The following ENOX1 variants were observed in gnomAD, a reference collection of about 807,000 sequenced individuals.
The protein encoded by ENOX1 is ecto-NOX disulfide-thiol exchanger 1, also known as candidate growth-related and time keeping constitutive hydroquinone (NADH) oxidase.
ENOX1 carries 42 observed loss-of-function variants against 82.5 expected under a neutral mutation model. The ratio of observed to expected loss-of-function variants is 0.51; its 90% CI spans 0.40 to 0.66. ENOX1 has a LOEUF of 0.66. Ranked by LOEUF, ENOX1 falls within the 30% of genes least tolerant of loss-of-function variation. The probability of loss-of-function intolerance (pLI) is 0.00; values close to 1 mark genes in which losing one functional copy is unlikely to be tolerated. For missense variants in ENOX1, 608 were observed against 811.6 expected, an observed-to-expected ratio of 0.75 and a Z score of 3.05; for synonymous variants, 271 against 282.2, an observed-to-expected ratio of 0.96 and a Z score of 0.40.
intron 11 of ENOX1, among the ~76,000 whole-genome samples, chr13:43,311,385 G>A (rs2047195127): frequency 6.6e-6 from 1 of 150,518 alleles, no homozygotes; most frequent in Non-Finnish European, 1.5e-5. Flanking sequence ...TCTTCAAAAT[G>A]AAAAAAATAT....
At chr13:43,672,353 T>A (rs1234398329) in intron 1 of ENOX1, among the ~76,000 whole-genome samples, 1 of 152,226 alleles carries the variant, frequency 6.6e-6, no homozygotes, top group Non-Finnish European at 1.5e-5. Flanking sequence ...CTCTCCTACT[T>A]TATTACCGTT....
chr13:43,492,686 A>G (rs187502686), intron 2 of ENOX1, among the ~76,000 whole-genome samples: 3 of 152,328 alleles, frequency 2.0e-5, no homozygotes, highest in Admixed American at 1.3e-4. Flanking sequence ...TACTTGCCTC[A>G]TTCTGTCATT....
At chr13:43,428,432 T>C (rs2055455976) in intron 3 of ENOX1, among the ~76,000 whole-genome samples, 1 of 152,176 alleles carries the variant, frequency 6.6e-6, no homozygotes, top group African/African-American at 2.4e-5. Context: ...TCCAGGTCCA[T>C]TCTCCCCATG....
intron 1 of ENOX1, among the ~76,000 whole-genome samples, chr13:43,717,322 G>C (rs1171367156): frequency 6.6e-6 from 1 of 152,162 alleles, no homozygotes; most frequent in Non-Finnish European, 1.5e-5. Flanking sequence ...ATGGTGCTGG[G>C]ATAACTGGCT....
chr13:43,248,557 T>G (rs535794845), intron 14 of ENOX1, among the ~76,000 whole-genome samples: 1 of 152,072 alleles, frequency 6.6e-6, no homozygotes, highest in African/African-American at 2.4e-5. Context: ...TAACTTTTAA[T>G]TTTTTTGGAG....
chr13:43,678,731 A>C (rs1484805649), intron 1 of ENOX1, among the ~76,000 whole-genome samples: 1 of 152,050 alleles, frequency 6.6e-6, no homozygotes, highest in African/African-American at 2.4e-5. Flanking sequence ...GTGAGGCTAA[A>C]GTGAAGTCAC....
At chr13:43,601,726 A>G (rs2081731398) in intron 2 of ENOX1, among the ~76,000 whole-genome samples, 1 of 152,164 alleles carries the variant, frequency 6.6e-6, no homozygotes, top group African/African-American at 2.4e-5. Flanking sequence ...AGCAGATGTA[A>G]CCAAGATAAG....
rs547982488 is a variant in ENOX1 at position 43,434,646 on chromosome 13, T to C, written c.-74-21658A>G. Among the ~76,000 whole-genome samples the C allele has an allele frequency of 2.0e-5, 3 of 152,362 alleles. No individual in the cohort carries two copies. In the East Asian group the frequency reaches 5.8e-4, roughly 29 times the overall value. ...TTTGCTTTGAGTCATGTGAAATTGA[T>C]GTTTCTGTGGATTTAAAAAATGGTC... On this transcript the variant is annotated intron_variant, in intron 3 of 16. Coordinates refer to ENST00000690772, the MANE Select transcript of ENOX1 (RefSeq NM_001347969.2).
intron 3 of ENOX1, among the ~76,000 whole-genome samples, chr13:43,433,787 G>A (rs962193567): frequency 3.3e-5 from 5 of 152,150 alleles, no homozygotes; most frequent in Admixed American, 3.3e-4. Context: ...ACGCACCTCA[G>A]ACAGGGCTAA....
At chr13:43,598,152 T>C (rs1415773862) in intron 2 of ENOX1, among the ~76,000 whole-genome samples, 1 of 151,968 alleles carries the variant, frequency 6.6e-6, no homozygotes, top group Admixed American at 6.6e-5. Context: ...GATACCATAT[T>C]GCTAGCCTGA....
intron 2 of ENOX1, among the ~76,000 whole-genome samples, chr13:43,512,448 A>G (rs1382900700): frequency 1.3e-5 from 2 of 152,188 alleles, no homozygotes; most frequent in Non-Finnish European, 2.9e-5. Flanking sequence ...CACAGCTCCA[A>G]AGTCTACCAT....
intron 5 of ENOX1, chr13:43,394,399 A>C (rs973955132): frequency 6.6e-6 from 1 of 152,204 alleles, no homozygotes; most frequent in African/African-American, 2.4e-5. Flanking sequence ...ATTTCTCTCA[A>C]ATCTATCAAA....
At chr13:43,423,034 AC>A (rs1290921680) in intron 3 of ENOX1, among the ~76,000 whole-genome samples, 1 of 152,196 alleles carries the variant, frequency 6.6e-6, no homozygotes, top group Non-Finnish European at 1.5e-5. Flanking sequence ...AGATCTTGCC[AC>A]ATATCCTCTG....
At chr13:43,684,793 A>G (rs1181961596) in intron 1 of ENOX1, among the ~76,000 whole-genome samples, 2 of 152,208 alleles carry the variant, frequency 1.3e-5, no homozygotes, top group Non-Finnish European at 2.9e-5. Context: ...AGCCATAGTC[A>G]ACCATAGACA....
chr13:43,232,093 C>CTATTT (rs2042312108), intron 15 of ENOX1, among the ~76,000 whole-genome samples: 1 of 109,554 alleles, frequency 9.1e-6, no homozygotes, highest in African/African-American at 3.6e-5. Context: ...GCCCAGCTAA[C>CTATTT]TTTTTTTTTT....
chr13:43,512,519 T>C (rs1220028761), intron 2 of ENOX1, among the ~76,000 whole-genome samples: 2 of 152,070 alleles, frequency 1.3e-5, no homozygotes, highest in Non-Finnish European at 2.9e-5. Context: ...CCAGCACTAT[T>C]CCAGAGATGT....
intron 5 of ENOX1, among the ~76,000 whole-genome samples, chr13:43,401,936 A>G (rs1046878371): frequency 6.6e-6 from 1 of 151,410 alleles, no homozygotes; most frequent in Non-Finnish European, 1.5e-5. Flanking sequence ...TATTTTAAAG[A>G]AGACAAAAAA....
At position 43,213,828 on chromosome 13, in the gene ENOX1, A is replaced by T; in HGVS notation, c.*162T>A. 1 of 632,880 alleles carries T rather than the reference A, an allele frequency of 1.6e-6. No homozygotes were observed. Among genetic ancestry groups the T allele is most frequent in the Non-Finnish European group, 2.5e-6 (1 of 394,134 alleles). 39.2% of individuals were successfully genotyped at this position (632,880 alleles called of 1,614,324 possible). ...TTTTAAGAAACTGGTACACAATTAC[A>T]TTTCCACTTACAAGAGAACGCCACA... On this transcript the variant is annotated 3_prime_UTR_variant, in exon 17 of 17. Transcript: ENST00000690772.
At chr13:43,755,686 C>T (rs1427275439) in intron 1 of ENOX1, among the ~76,000 whole-genome samples, 1 of 152,220 alleles carries the variant, frequency 6.6e-6, no homozygotes, top group African/African-American at 2.4e-5. Flanking sequence ...TCCTCCCACA[C>T]TTTTCTCCTC....
Sources: allele counts gnomAD v4.1 joint callset (sites outside exome capture counted in the v4.1 genomes callset), GRCh38; gene constraint gnomAD v4.1.1; transcripts MANE v1.5; gene names NCBI Gene and HGNC (gene_info 2026-07-23, HGNC 2026-07-21).